Variants in AGBL3 observed in about 807,000 individuals in gnomAD.
The protein encoded by AGBL3 is cytosolic carboxypeptidase 3.
AGBL3 carries 68 observed loss-of-function variants against 94.5 expected under a neutral mutation model. That is an observed-to-expected ratio of 0.72 (90% confidence interval 0.59 to 0.88). The LOEUF (loss-of-function observed/expected upper bound fraction) is 0.88, where lower values mean the gene tolerates loss of function less well. Ranked by LOEUF, AGBL3 falls within the 40% of genes least tolerant of loss-of-function variation. AGBL3 has a pLI of 0.00. For missense variants in AGBL3, 934 were observed against 1,103.8 expected (o/e 0.85, Z 2.18); for synonymous variants, 354 against 370.7 (o/e 0.95, Z 0.52).
At chr7:135,119,733 T>TG (rs1313198879) in intron 16 of AGBL3, among the ~76,000 whole-genome samples, 32 of 151,906 alleles carry the variant, frequency 2.1e-4, no homozygotes, top group Non-Finnish European at 7.4e-5. Flanking sequence ...AAAAATTAGC[T>TG]GGGCGTGGCA....
At chr7:135,004,380 T>G (rs1812114612) in intron 4 of AGBL3, among the ~76,000 whole-genome samples, 1 of 151,630 alleles carries the variant, frequency 6.6e-6, no homozygotes, top group South Asian at 2.1e-4. Context: ...ATAAGATAGA[T>G]TTTTAAAAAT....
intron 1 of AGBL3, 71 bp downstream of exon 1, chr7:134,986,772 A>G (rs1209488164): frequency 6.6e-6 from 1 of 152,370 alleles, no homozygotes; most frequent in Non-Finnish European, 1.5e-5. Context: ...GCCTCCCCAC[A>G]CCAAGGTGTC....
At position 135,045,682 on chromosome 7, in the gene AGBL3, G is replaced by A. The variant is rs1194137951; in HGVS notation, c.1728+108G>A. The A allele has an allele frequency of 2.3e-6, 3 of 1,322,052 alleles. No individual in the cohort carries two copies. In the East Asian group the frequency reaches 7.5e-5, roughly 33 times the overall value. The allele number at this position is 1,322,052 out of a possible 1,614,324, so 81.9% of individuals were successfully genotyped here. ...CTTTTAATGTCCCAACAGTGTTGTT[G>A]GGGTTTTAGCACTTAATTTCCCAGT... On this transcript the variant is annotated intron_variant, in intron 10 of 16. Transcript: ENST00000436302.
At chr7:135,048,310 G>T (rs1817559657) in intron 11 of AGBL3, among the ~76,000 whole-genome samples, 1 of 151,676 alleles carries the variant, frequency 6.6e-6, no homozygotes, top group South Asian at 2.1e-4. Context: ...TTTTTTCTCA[G>T]GATTGATTTG....
intron 4 of AGBL3, among the ~76,000 whole-genome samples, chr7:135,002,185 C>G (rs142698847): frequency 1.1e-3 from 160 of 152,170 alleles, no homozygotes; most frequent in African/African-American, 3.7e-3. Flanking sequence ...TAAAAGGACT[C>G]GAGAAATTCA....
intron 5 of AGBL3, among the ~76,000 whole-genome samples, chr7:135,030,541 C>A (rs1815620716): frequency 6.6e-6 from 1 of 152,136 alleles, no homozygotes; most frequent in Non-Finnish European, 1.5e-5. Flanking sequence ...CTATGGTGTG[C>A]CTAGATTTGG....
chr7:135,027,831 A>AGGT (rs2116375043), intron 5 of AGBL3, among the ~76,000 whole-genome samples: 1 of 151,820 alleles, frequency 6.6e-6, no homozygotes, highest in African/African-American at 2.4e-5. Flanking sequence ...TACATATAAC[A>AGGT]AAATTTCACA....
rs960295248 is a variant in AGBL3, at chr7:135,090,557, T to A, written c.2110+8767T>A. On this transcript the variant is annotated intron_variant, in intron 15 of 16. Coordinates refer to ENST00000436302, the MANE Select transcript of AGBL3 (RefSeq NM_178563.4). ...GCTCAGGGCTGGGGGCTGTGACTATTCTGGGTGGCCCAGGCACCATTTCCC... is the reference window on the plus strand; with the variant it reads ...GCTCAGGGCTGGGGGCTGTGACTATACTGGGTGGCCCAGGCACCATTTCCC... 3.3e-5 allele frequency among the ~76,000 whole-genome samples: 5 copies of A among 152,154 alleles called. No homozygotes were observed. The East Asian group carries it at 9.6e-4, about 29-fold the overall frequency.
chr7:135,133,603 C>A (rs1156930239), intron 16 of AGBL3, among the ~76,000 whole-genome samples: 1 of 152,026 alleles, frequency 6.6e-6, no homozygotes, highest in Non-Finnish European at 1.5e-5. Flanking sequence ...GAGGCAAAAA[C>A]CAAGAAATAG....
rs1171435837 is a variant in AGBL3 at position 135,032,926 on chromosome 7, T to G, written c.501T>G (p.Asn167Lys). The part of the protein sequence containing the change: ...PLKQPVDYRD[N>K]TLMFEARFES... ...AGCAGCCTGTGGATTACCGTGACAA[T>G]ACTTTGATGTTTGAAGCAAGGTTTG... The change falls in exon 6 of 17, where the codon AAT becomes AAG. Residue 167 changes from asparagine (N) to lysine (K), a missense_variant. By Grantham distance (94) the Asn-to-Lys change is moderately conservative. This residue lies in a region of AGBL3 where 488 missense variants were observed against 563.6 expected (regional missense o/e 0.87). Transcript: ENST00000436302. 18 of 1,551,622 alleles carry G rather than the reference T, an allele frequency of 1.2e-5. No homozygotes were observed. Among genetic ancestry groups the G allele is most frequent in the Non-Finnish European group, 1.6e-5 (18 of 1,146,838 alleles).
chr7:135,010,402 A>G (rs906155077), intron 4 of AGBL3: 1 of 182,220 alleles, frequency 5.5e-6, no homozygotes, highest in African/African-American at 2.4e-5. Context: ...ATATAAGGAA[A>G]GACTGAAAAG....
At chr7:135,014,869 CAA>C (rs1274558472) in intron 4 of AGBL3, among the ~76,000 whole-genome samples, 2 of 152,152 alleles carry the variant, frequency 1.3e-5, no homozygotes, top group Admixed American at 6.5e-5. Context: ...AAGGAGGACT[CAA>C]GAGAATGCAG....
chr7:135,015,717 A>C (rs1209194802), intron 4 of AGBL3, among the ~76,000 whole-genome samples: 1 of 152,006 alleles, frequency 6.6e-6, no homozygotes, highest in East Asian at 1.9e-4. Flanking sequence ...GCAACTTTTG[A>C]AGATCAGCAT....
chr7:135,018,759 GT>G (rs1291480822), intron 5 of AGBL3, among the ~76,000 whole-genome samples: 1 of 152,170 alleles, frequency 6.6e-6, no homozygotes, highest in East Asian at 1.9e-4. Flanking sequence ...AAATTAAAAT[GT>G]TCATATAAAG....
chr7:135,059,261 T>C lies in AGBL3; in HGVS notation c.1908+26T>C, dbSNP rs182607533. On this transcript the variant is annotated intron_variant, in intron 12 of 16. Coordinates refer to ENST00000436302, the MANE Select transcript of AGBL3 (RefSeq NM_178563.4). ...GTATGACTGAACATTTTTGCTTATA[T>C]GTGGATATGCTGTGTAGGTACTGTT... 8 of 1,525,230 alleles carry C rather than the reference T, an allele frequency of 5.2e-6. No individual in the cohort carries two copies. The Admixed American group carries it at 1.6e-4, about 30-fold the overall frequency. The allele number at this position is 1,525,230 out of a possible 1,614,324, so 94.5% of individuals were successfully genotyped here.
intron 4 of AGBL3, among the ~76,000 whole-genome samples, chr7:135,015,725 CA>C (rs1235016411): frequency 2.6e-5 from 4 of 151,852 alleles, no homozygotes; most frequent in African/African-American, 9.7e-5. Flanking sequence ...TGAAGATCAG[CA>C]TACACAGGCC....
intron 4 of AGBL3, chr7:134,995,146 G>C (rs1810843315): frequency 6.6e-6 from 1 of 152,198 alleles, no homozygotes; most frequent in African/African-American, 2.4e-5. Context: ...AGAGGGAATG[G>C]ATAAGGAGCA....
At position 135,048,324 on chromosome 7, in the gene AGBL3, T is replaced by C. The variant is rs150749403; in HGVS notation, c.1841+2413T>C. On this transcript the variant is annotated intron_variant, in intron 11 of 16. Coordinates refer to ENST00000436302, the MANE Select transcript of AGBL3 (RefSeq NM_178563.4). ...CTTTTTTCTCAGGATTGATTTGATG[T>C]GGCTATTCATGGTCTTTGGTGTTTC... 1.3e-3 allele frequency among the ~76,000 whole-genome samples: 204 copies of C among 151,938 alleles called. 4 individuals are homozygous for C. The highest frequency in any genetic ancestry group is 4.8e-3 in the African/African-American group (199 of 41,500).
chr7:135,067,369 C>T (rs975358473), intron 12 of AGBL3, among the ~76,000 whole-genome samples: 4 of 152,228 alleles, frequency 2.6e-5, no homozygotes, highest in African/African-American at 9.6e-5. Context: ...AATGTCCCTG[C>T]CTGACAGCTT....
Sources: allele counts gnomAD v4.1 joint callset (sites outside exome capture counted in the v4.1 genomes callset), GRCh38; gene constraint gnomAD v4.1.1; regional missense constraint gnomAD v4.1.1; transcripts MANE v1.5; gene names NCBI Gene and HGNC (gene_info 2026-07-23, HGNC 2026-07-21).